The following RNLS variants were observed in gnomAD, a reference collection of about 807,000 sequenced individuals.
RNLS encodes renalase.
In RNLS, 39 loss-of-function variants were observed where a neutral mutation model predicts 39.8. The ratio of observed to expected loss-of-function variants is 0.98; its 90% CI spans 0.76 to 1.28. The LOEUF (loss-of-function observed/expected upper bound fraction) is 1.28, where lower values mean the gene tolerates loss of function less well. Among genes scored for constraint, RNLS ranks in the 50% most tolerant of loss-of-function variants. The probability of loss-of-function intolerance (pLI) is 0.00; values close to 1 mark genes in which losing one functional copy is unlikely to be tolerated. For missense variants in RNLS, 410 were observed against 413.3 expected (o/e 0.99, Z 0.07); for synonymous variants, 147 against 150.7 (o/e 0.98, Z 0.18).
At chr10:88,549,660 A>G (rs1848516194) in intron 4 of RNLS, among the ~76,000 whole-genome samples, 2 of 152,228 alleles carry the variant, frequency 1.3e-5, no homozygotes, top group Admixed American at 6.5e-5. Context: ...GAAGAATGCC[A>G]CACTAGAGTA....
rs1203663624 is a variant in RNLS, at chr10:88,573,072, A to G, written c.368-11T>C. 6.8e-6 allele frequency: 11 copies of G among 1,611,772 alleles called. No individual in the cohort carries two copies. The highest frequency in any genetic ancestry group is 1.3e-5 in the African/African-American group (1 of 74,866). ...AGTAGACTTCTGCACCTGTTCCAAAAGCAAAATCATGTCCCCATTATCAGA... is the reference window on the plus strand; with the variant it reads ...AGTAGACTTCTGCACCTGTTCCAAAGGCAAAATCATGTCCCCATTATCAGA... On this transcript the variant is annotated splice_polypyrimidine_tract_variant and intron_variant, in intron 3 of 6. Transcript: ENST00000331772.
At chr10:88,426,307 T>C (rs116224452) in intron 4 of RNLS, among the ~76,000 whole-genome samples, 80 of 152,186 alleles carry the variant, frequency 5.3e-4, no homozygotes, top group African/African-American at 1.9e-3. Context: ...CTCATGTGAA[T>C]AGTGGGAAAC....
chr10:88,283,427 T>C (rs1843096792), downstream of RNLS, among the ~76,000 whole-genome samples: 2 of 152,062 alleles, frequency 1.3e-5, no homozygotes, highest in South Asian at 4.1e-4. Context: ...TCCCCCTCCT[T>C]TGGAGGACAT....
At chr10:88,351,065 T>G (rs1393002127) in intron 5 of RNLS, among the ~76,000 whole-genome samples, 3 of 152,222 alleles carry the variant, frequency 2.0e-5, no homozygotes, top group African/African-American at 7.2e-5. Flanking sequence ...CTTCGCCCAC[T>G]TGTTGGTGGG....
intron 4 of RNLS, among the ~76,000 whole-genome samples, chr10:88,469,037 A>C (rs897280791): frequency 6.6e-6 from 1 of 152,218 alleles, no homozygotes; most frequent in Non-Finnish European, 1.5e-5. Flanking sequence ...TGATACATTA[A>C]AAAATGTGAG....
the RNLS span, among the ~76,000 whole-genome samples, chr10:88,213,721 G>A: frequency 1.3e-5 from 2 of 152,098 alleles, no homozygotes; most frequent in Non-Finnish European, 2.9e-5. Flanking sequence ...TTTATCTGAA[G>A]GTACATGATG....
At chr10:88,399,972 C>T (rs1006182988) in intron 4 of RNLS, among the ~76,000 whole-genome samples, 1 of 151,940 alleles carries the variant, frequency 6.6e-6, no homozygotes, top group Non-Finnish European at 1.5e-5. Context: ...TGTCAGCATT[C>T]CTTGCCTTGT....
chr10:88,518,899 G>A (rs2477952), intron 4 of RNLS, among the ~76,000 whole-genome samples: 66,507 of 151,744 alleles, frequency 0.44, 14,977 homozygotes, highest in East Asian at 0.59. Context: ...TAAAGTCCAG[G>A]ACTACATCCC....
In RNLS at chr10:88,581,661, C is replaced by T. The variant is rs148977593; in HGVS notation, c.273G>A (p.Ser91=). The change falls in exon 3 of 7, where the codon TCG becomes TCA. Residue 91 remains serine, a synonymous_variant. Transcript: ENST00000331772. ...LAYGVLRPLS[S]PIEGMVMKEG... ...CTTTCATCACCATTCCTTCAATAGG[C>T]GAGCTTAGAGGCCTCAAAACGCCAT... The T allele has an allele frequency of 2.3e-5, 37 of 1,601,118 alleles. No individual in the cohort carries two copies. The African/African-American group carries it at 2.4e-4, about 10-fold the overall frequency.
chr10:88,190,272 A>G, the RNLS span, among the ~76,000 whole-genome samples: 1 of 152,228 alleles, frequency 6.6e-6, no homozygotes, highest in Non-Finnish European at 1.5e-5. Context: ...TGGACTTCTC[A>G]TTCACCATCT....
chr10:88,257,940 T>A, the RNLS span, among the ~76,000 whole-genome samples: 1 of 152,012 alleles, frequency 6.6e-6, no homozygotes, highest in African/African-American at 2.4e-5. Context: ...GTAATGCTTT[T>A]TCCTTTACTT....
intron 5 of RNLS, among the ~76,000 whole-genome samples, chr10:88,360,597 C>G (rs1849568500): frequency 6.6e-6 from 1 of 152,082 alleles, no homozygotes; most frequent in Non-Finnish European, 1.5e-5. Context: ...TCACCATGCC[C>G]AGCTAGTTTT....
chr10:88,499,321 G>T (rs1268826223), intron 4 of RNLS, among the ~76,000 whole-genome samples: 1 of 152,094 alleles, frequency 6.6e-6, no homozygotes, highest in Non-Finnish European at 1.5e-5. Context: ...GTTTAACACT[G>T]TTAGAAGGCT....
intron 5 of RNLS, among the ~76,000 whole-genome samples, chr10:88,350,642 T>A (rs1158825717): frequency 2.6e-5 from 4 of 152,202 alleles, no homozygotes; most frequent in Non-Finnish European, 5.9e-5. Context: ...TGTTGGACAT[T>A]CGGGTTGGTT....
chr10:88,545,138 T>A (rs2134303196), intron 4 of RNLS, among the ~76,000 whole-genome samples: 1 of 152,304 alleles, frequency 6.6e-6, no homozygotes, highest in East Asian at 1.9e-4. Context: ...GAGCGATTCT[T>A]CTAAGATCAT....
At chr10:88,296,449 T>A (rs2132922949) in intron 6 of RNLS, among the ~76,000 whole-genome samples, 1 of 152,284 alleles carries the variant, frequency 6.6e-6, no homozygotes, top group African/African-American at 2.4e-5. Context: ...GCATTGACAT[T>A]TCTTTCTGGT....
chr10:88,281,624 T>C (rs1463433197), downstream of RNLS, among the ~76,000 whole-genome samples: 1 of 152,132 alleles, frequency 6.6e-6, no homozygotes. Flanking sequence ...TTTAGTTTAT[T>C]AGCACTGAGA....
At chr10:88,284,008 A>G (rs1169587389), downstream of RNLS, 2 of 465,038 alleles carry the variant, frequency 4.3e-6, no homozygotes, top group African/African-American at 4.3e-5. Flanking sequence ...ATGGGCGAAA[A>G]TAACAAAAAA....
At position 88,524,960 on chromosome 10, in the gene RNLS, CATATATAT is replaced by C. The variant is rs772272529; in HGVS notation, c.526+47935_526+47942del. Among the ~76,000 whole-genome samples, 561 of 88,942 alleles carry C rather than the reference CATATATAT, an allele frequency of 6.3e-3. 19 individuals are homozygous for C. Among genetic ancestry groups the C allele is most frequent in the East Asian group, 0.042 (118 of 2,814 alleles). The allele number at this position is 88,942 out of a possible 152,430, so 58.3% of individuals were successfully genotyped here. ...TATATATATATATGGCACACACATA[CATATATAT>C]ATATATATATATATATATATATATA... is the stretch of plus-strand genomic sequence containing the variant. On this transcript the variant is annotated intron_variant, in intron 4 of 6. Transcript: ENST00000331772.
Sources: allele counts gnomAD v4.1 joint callset (sites outside exome capture counted in the v4.1 genomes callset), GRCh38; gene constraint gnomAD v4.1.1; transcripts MANE v1.5; gene names NCBI Gene and HGNC (gene_info 2026-07-23, HGNC 2026-07-21).